TRDN: variants seen among roughly 807,000 people sequenced by gnomAD.
TRDN encodes the protein triadin.
In TRDN, 161 loss-of-function variants were observed where a neutral mutation model predicts 149.7. The observed-to-expected ratio is 1.08, with a 90% confidence interval of 0.95 to 1.23. The LOEUF (loss-of-function observed/expected upper bound fraction) is 1.23, where lower values mean the gene tolerates loss of function less well. TRDN is among the 50% of genes most tolerant of loss of function. TRDN has a pLI of 0.00. For missense variants in TRDN, 896 were observed against 823.5 expected, an observed-to-expected ratio of 1.09 and a Z score of -1.08; for synonymous variants, 294 against 250.5, an observed-to-expected ratio of 1.17 and a Z score of -1.64.
intron 24 of TRDN, among the ~76,000 whole-genome samples, chr6:123,286,227 T>A (rs1777798975): frequency 6.6e-6 from 1 of 152,024 alleles, no homozygotes; most frequent in Admixed American, 6.6e-5. Context: ...TGCACAGACA[T>A]GGTTATAGCA....
intron 9 of TRDN, among the ~76,000 whole-genome samples, chr6:123,483,453 C>G (rs1365859761): frequency 2.6e-5 from 4 of 151,984 alleles, no homozygotes. Context: ...ACTTCCTCCC[C>G]TATTTGGGAT....
At chr6:123,291,318 A>G (rs1778003558) in intron 24 of TRDN, among the ~76,000 whole-genome samples, 1 of 152,100 alleles carries the variant, frequency 6.6e-6, no homozygotes, top group East Asian at 1.9e-4. Context: ...TAAGCCCAGC[A>G]CTTTGGAAGG....
At chr6:123,243,062 T>C (rs1376754796) in intron 38 of TRDN, among the ~76,000 whole-genome samples, 1 of 152,070 alleles carries the variant, frequency 6.6e-6, no homozygotes, top group Non-Finnish European at 1.5e-5. Flanking sequence ...ACTTTCATGA[T>C]GTGCCCCGAA....
chr6:123,404,496 G>A (rs1362617508), intron 12 of TRDN, among the ~76,000 whole-genome samples: 2 of 151,942 alleles, frequency 1.3e-5, no homozygotes, highest in Admixed American at 6.6e-5. Context: ...TCACCCAGGC[G>A]GGAGTGCAGT....
At chr6:123,489,323 C>CA (rs1562342598) in intron 9 of TRDN, among the ~76,000 whole-genome samples, 1 of 151,828 alleles carries the variant, frequency 6.6e-6, no homozygotes, top group Non-Finnish European at 1.5e-5. Flanking sequence ...TTCAAAAAAA[C>CA]AAAAAACACA....
At chr6:123,463,314 G>T (rs893265001) in intron 10 of TRDN, among the ~76,000 whole-genome samples, 1 of 150,776 alleles carries the variant, frequency 6.6e-6, no homozygotes, top group Admixed American at 6.6e-5. Context: ...TTCCAGCCTG[G>T]GCAGCAGAGC....
At chr6:123,475,778 C>T (rs1234946070) in intron 9 of TRDN, among the ~76,000 whole-genome samples, 1 of 149,062 alleles carries the variant, frequency 6.7e-6, no homozygotes, top group East Asian at 2.0e-4. Context: ...AAATGTAATC[C>T]AGCATATAAA....
chr6:123,539,324 C>T (rs188871611), intron 4 of TRDN, among the ~76,000 whole-genome samples: 5 of 152,124 alleles, frequency 3.3e-5, no homozygotes, highest in East Asian at 3.9e-4. Flanking sequence ...TAAATAGGTC[C>T]CATATGATGC....
chr6:123,512,286 A>G lies in TRDN; in HGVS notation c.610+17T>C. On this transcript the variant is annotated intron_variant, in intron 7 of 40. Transcript: ENST00000334268. ...TAAAAAGAATTTAGTTATGGAAATA[A>G]TAAATTGAAAAGTTACCTTTCGCCA... 1 of 1,354,010 alleles carries G rather than the reference A, an allele frequency of 7.4e-7. No individual in the cohort carries two copies. The highest frequency in any genetic ancestry group is 1.0e-6 in the Non-Finnish European group (1 of 977,518). The allele number at this position is 1,354,010 out of a possible 1,614,324, so 83.9% of individuals were successfully genotyped here. A position where few individuals can be genotyped will look rare whatever the true frequency, so the allele number is the denominator to read the frequency against.
At chr6:123,596,174 C>G (rs1784029110) in intron 1 of TRDN, among the ~76,000 whole-genome samples, 1 of 152,058 alleles carries the variant, frequency 6.6e-6, no homozygotes, top group Admixed American at 6.6e-5. Context: ...TAATGCTGAT[C>G]TGAAGAAAAT....
At chr6:123,362,926 C>A (rs1016478813) in intron 20 of TRDN, among the ~76,000 whole-genome samples, 1 of 151,970 alleles carries the variant, frequency 6.6e-6, no homozygotes, top group African/African-American at 2.4e-5. Context: ...AGGTGAAAAT[C>A]AGATATAAAT....
In TRDN at chr6:123,217,335, C is replaced by G. The variant is rs1285346757; in HGVS notation, c.*1266G>C. The G allele has an allele frequency of 6.6e-6, 1 of 151,978 alleles. No homozygotes were observed. The highest frequency in any genetic ancestry group is 1.5e-5 in the Non-Finnish European group (1 of 67,958). The allele number at this position is 151,978 out of a possible 1,614,324, so 9.4% of individuals were successfully genotyped here. A position where few individuals can be genotyped will look rare whatever the true frequency, so the allele number is the denominator to read the frequency against. On this transcript the variant is annotated 3_prime_UTR_variant, in exon 41 of 41. Transcript: ENST00000334268. ...CTTGGCTAGTATTGGCTCTGGCTAT[C>G]TCAGGCCTTGCTGATGGTAATTACA...
intron 36 of TRDN, among the ~76,000 whole-genome samples, chr6:123,255,550 T>G (rs577027416): frequency 1.3e-5 from 2 of 152,288 alleles, no homozygotes; most frequent in East Asian, 3.9e-4. Flanking sequence ...TATGGTGTAG[T>G]TTGCCAAATA....
chr6:123,534,126 A>G (rs1409669517), intron 4 of TRDN, among the ~76,000 whole-genome samples: 4 of 152,134 alleles, frequency 2.6e-5, no homozygotes, highest in Non-Finnish European at 5.9e-5. Flanking sequence ...ATACACACAC[A>G]GTAAAGTCTC....
intron 2 of TRDN, among the ~76,000 whole-genome samples, chr6:123,568,902 G>A (rs566164202): frequency 6.6e-6 from 1 of 152,250 alleles, no homozygotes; most frequent in African/African-American, 2.4e-5. Flanking sequence ...AATTTCTCTA[G>A]CAAGTGGTTT....
rs568833909 is a variant in TRDN at position 123,571,599 on chromosome 6, A to G, written c.23-467T>C. The stretch of plus-strand genomic sequence containing the variant: ...AGTACCTCTTTTATTCCTGATTTTA[A>G]GAGTCCACATGTTCATGAGAGAAAA... On this transcript the variant is annotated intron_variant, in intron 1 of 40. Coordinates refer to ENST00000334268, the MANE Select transcript of TRDN (RefSeq NM_006073.4). Among the ~76,000 whole-genome samples the G allele has an allele frequency of 7.2e-5, 11 of 152,230 alleles. No homozygotes were observed. In the South Asian group the frequency reaches 2.3e-3, roughly 32 times the overall value.
intron 21 of TRDN, chr6:123,351,129 C>T (rs2114293290): frequency 2.0e-6 from 2 of 984,610 alleles, no homozygotes; most frequent in Non-Finnish European, 2.4e-6. Context: ...CACTTTTATA[C>T]TAGAGGGGGA....
intron 14 of TRDN, among the ~76,000 whole-genome samples, chr6:123,382,360 CTTATA>C (rs1028783768): frequency 2.7e-5 from 4 of 150,846 alleles, no homozygotes; most frequent in Admixed American, 6.6e-5. Flanking sequence ...TATAAAATAT[CTTATA>C]TTAATAATAT....
Position 123,283,087 on chromosome 6 carries a change from T to A in TRDN, c.1511-4005A>T, listed in dbSNP as rs551952912. On this transcript the variant is annotated intron_variant, in intron 24 of 40. Transcript: ENST00000334268. ...GGGCCACAAAACAAGTCCTTAAAAA[T>A]TTCAGAAAATTGAAATGATAACAAG... Among the ~76,000 whole-genome samples, 8 of 151,922 alleles carry A rather than the reference T, an allele frequency of 5.3e-5. No homozygotes were observed. In the East Asian group the frequency reaches 1.4e-3, roughly 26 times the overall value.
Sources: gnomAD v4.1 joint callset for allele counts (sites outside exome capture counted in the v4.1 genomes callset) on GRCh38, gnomAD v4.1.1 for gene constraint, MANE v1.5 for transcripts, NCBI Gene and HGNC (gene_info 2026-07-23, HGNC 2026-07-21) for gene names.